Variants in ANKRD11 observed in about 807,000 individuals in gnomAD.
ANKRD11 encodes ankyrin repeat domain 11.
Under a neutral mutation model 195.7 loss-of-function variants are expected in ANKRD11, and 17 were observed. The ratio of observed to expected loss-of-function variants is 0.09; its 90% confidence interval spans 0.06 to 0.13. ANKRD11 has a LOEUF of 0.13. ANKRD11 is among the 10% of genes least tolerant of loss of function. The pLI, the probability that ANKRD11 is intolerant of heterozygous loss-of-function variation, is 1.00. For missense variants in ANKRD11, 3,735 were observed against 3,566.1 expected (o/e 1.05, Z -1.21); for synonymous variants, 1,953 against 1,528.1 (o/e 1.28, Z -6.49).
chr16:89,408,152 C>G (rs998138935), intron 2 of ANKRD11, among the ~76,000 whole-genome samples: 1 of 152,248 alleles, frequency 6.6e-6, no homozygotes, highest in Middle Eastern at 3.4e-3. Flanking sequence ...CGCATGGCCC[C>G]AGAAGGCTGC....
chr16:89,384,698 A>C (rs769937525), intron 2 of ANKRD11, among the ~76,000 whole-genome samples: 7 of 151,928 alleles, frequency 4.6e-5, no homozygotes, highest in African/African-American at 1.5e-4. Context: ...ATAGAACTCA[A>C]TTCTTCCCTC....
intron 2 of ANKRD11, among the ~76,000 whole-genome samples, chr16:89,367,562 T>TACCCTG (rs2040002711): frequency 6.6e-6 from 1 of 152,174 alleles, no homozygotes; most frequent in Admixed American, 6.5e-5. Context: ...TGCTCCCCTC[T>TACCCTG]ACCCTGTTCC....
At chr16:89,442,648 G>A (rs1451703168) in intron 1 of ANKRD11, among the ~76,000 whole-genome samples, 4 of 152,192 alleles carry the variant, frequency 2.6e-5, no homozygotes, top group African/African-American at 4.8e-5. Flanking sequence ...CAGGGAGGAG[G>A]CCTGTGTCCC....
At chr16:89,366,226 C>T (rs1032054101) in intron 2 of ANKRD11, among the ~76,000 whole-genome samples, 4 of 151,866 alleles carry the variant, frequency 2.6e-5, no homozygotes, top group African/African-American at 7.3e-5. Flanking sequence ...TTATCCAATC[C>T]GTCACTGATA....
intron 2 of ANKRD11, among the ~76,000 whole-genome samples, chr16:89,352,608 T>A (rs1250686521): frequency 6.6e-6 from 1 of 152,172 alleles, no homozygotes; most frequent in African/African-American, 2.4e-5. Flanking sequence ...TCACACACAC[T>A]GTGGTAGATC....
At chr16:89,354,970 C>G (rs1456771552) in intron 2 of ANKRD11, among the ~76,000 whole-genome samples, 1 of 152,192 alleles carries the variant, frequency 6.6e-6, no homozygotes, top group African/African-American at 2.4e-5. Context: ...GTGAGGGCAA[C>G]AGACTTTCCA....
At position 89,419,597 on chromosome 16, in the gene ANKRD11, T is replaced by C. The variant is rs559960880; in HGVS notation, c.-144-1229A>G. On this transcript the variant is annotated intron_variant, in intron 1 of 12. Transcript: ENST00000301030. ...TCAGTCCCATCCAAACATCAGGCTC[T>C]CCTCCAACTCCAAACACTTCCGTGT... 8.0e-4 allele frequency among the ~76,000 whole-genome samples: 121 copies of C among 152,196 alleles called. 2 individuals are homozygous for C. Among genetic ancestry groups the C allele is most frequent in the South Asian group, 7.9e-3 (38 of 4,816 alleles).
chr16:89,478,232 C>CA (rs1258564211), intron 1 of ANKRD11, among the ~76,000 whole-genome samples: 5 of 152,154 alleles, frequency 3.3e-5, no homozygotes. Context: ...GAAACACTCC[C>CA]AGTGCCTTCA....
Position 89,281,998 on chromosome 16 carries a change from T to C in ANKRD11, c.4544A>G (p.Lys1515Arg), listed in dbSNP as rs1223899102. 1.2e-6 allele frequency: 2 copies of C among 1,613,274 alleles called. No homozygotes were observed. Among genetic ancestry groups the C allele is most frequent in the South Asian group, 1.1e-5 (1 of 91,084 alleles). The change falls in exon 9 of 13, where the codon AAA becomes AGA. Residue 1515 changes from lysine (K) to arginine (R), a missense_variant. Transcript: ENST00000301030. The surrounding 1 kb of genome is among the most constrained non-coding windows in gnomAD (Gnocchi z 5.5). ...RDKDSPPRVL[K>R]DKSRDEGPRL... ...CGGGCCCTCGTCCCTGGACTTGTCT[T>C]TGAGCACGCGGGGCGGGCTGTCCTT...
At chr16:89,340,506 T>C (rs3102379) in intron 2 of ANKRD11, among the ~76,000 whole-genome samples, 86,770 of 152,074 alleles carry the variant, frequency 0.57, 25,032 homozygotes, top group African/African-American at 0.66. Context: ...AACTCCTGAC[T>C]TCAGGCGATC....
In ANKRD11 at chr16:89,305,661, GCGCTACCTCC is replaced by G. The variant is rs1567615086; in HGVS notation, c.88-327_88-318del. Among the ~76,000 whole-genome samples the G allele has an allele frequency of 3.7e-3, 549 of 149,154 alleles. 6 individuals carry two copies. Among genetic ancestry groups the G allele is most frequent in the Non-Finnish European group, 5.2e-3 (352 of 67,102 alleles). ...GCGCTACCTCTCACTCCGCAGACAC[GCGCTACCTCC>G]CACTCCGCAGACACGCGCCACCTCC... On this transcript the variant is annotated intron_variant, in intron 3 of 12. Transcript: ENST00000301030.
chr16:89,389,833 C>T (rs1196192704), intron 2 of ANKRD11, among the ~76,000 whole-genome samples: 1 of 144,228 alleles, frequency 6.9e-6, no homozygotes, highest in Non-Finnish European at 1.5e-5. Context: ...AGGGCAAACA[C>T]CGAGTGTGGC....
In ANKRD11 at chr16:89,280,155, G is replaced by T. The variant is rs1443682753; in HGVS notation, c.6387C>A (p.Asp2129Glu). The T allele has an allele frequency of 6.2e-7, 1 of 1,610,884 alleles. No homozygotes were observed. The highest frequency in any genetic ancestry group is 1.1e-5 in the South Asian group (1 of 90,890). The change falls in exon 9 of 13, where the codon GAC becomes GAA. Residue 2129 changes from aspartate to glutamate, a missense_variant. Physicochemically the swap from Asp to Glu is conservative, Grantham distance 45. Coordinates refer to ENST00000301030, the MANE Select transcript of ANKRD11 (RefSeq NM_013275.6). ...GGGAGAAGGGCCCCAGGTCCAGGTC[G>T]TCCTCGGGGCCGGCGAAGGCGTCCG... is the stretch of plus-strand genomic sequence containing the variant. ...PWADAFAGPE[D>E]DLDLGPFSLP...
intron 2 of ANKRD11, among the ~76,000 whole-genome samples, chr16:89,376,091 A>G (rs952742549): frequency 1.3e-5 from 2 of 152,228 alleles, no homozygotes; most frequent in African/African-American, 4.8e-5. Context: ...TTTTTGTGAA[A>G]TACCTTTTTA....
intron 1 of ANKRD11, among the ~76,000 whole-genome samples, chr16:89,435,796 T>TCTCACACACA (rs139190903): frequency 2.8e-5 from 4 of 143,018 alleles, no homozygotes; most frequent in Non-Finnish European, 6.1e-5. Flanking sequence ...CACCAGCTCT[T>TCTCACACACA]CACACACACA....
chr16:89,445,733 G>A (rs986399808), intron 1 of ANKRD11, among the ~76,000 whole-genome samples: 1 of 152,138 alleles, frequency 6.6e-6, no homozygotes, highest in African/African-American at 2.4e-5. Context: ...CCAGCACTTT[G>A]GGAGGCTGAG....
intron 11 of ANKRD11, among the ~76,000 whole-genome samples, chr16:89,273,681 G>A (rs1229559500): frequency 6.6e-6 from 1 of 151,344 alleles, no homozygotes; most frequent in South Asian, 2.1e-4. Context: ...TGGCAACAGA[G>A]CGAGACTCCG....
At chr16:89,469,080 C>T (rs1375744864) in intron 1 of ANKRD11, among the ~76,000 whole-genome samples, 1 of 151,960 alleles carries the variant, frequency 6.6e-6, no homozygotes, top group Non-Finnish European at 1.5e-5. Context: ...AAAAAGTGGA[C>T]ACTTTTCAAT....
chr16:89,378,269 A>T (rs2965822), intron 2 of ANKRD11, among the ~76,000 whole-genome samples: 88,708 of 152,044 alleles, frequency 0.58, 26,035 homozygotes, highest in Middle Eastern at 0.76. Flanking sequence ...TCAGGAAGGC[A>T]CTGGTCAACA....
Sources: gnomAD v4.1 joint callset for allele counts (sites outside exome capture counted in the v4.1 genomes callset) on GRCh38, gnomAD v4.1.1 for gene constraint, Gnocchi (gnomAD v3.1) non-coding constraint, MANE v1.5 for transcripts, NCBI Gene and HGNC (gene_info 2026-07-23, HGNC 2026-07-21) for gene names.